Variants in COL6A3 observed in about 807,000 individuals in gnomAD.
COL6A3 encodes collagen type VI alpha 3 chain.
COL6A3 carries 137 observed loss-of-function variants against 274.1 expected under a neutral mutation model. The observed-to-expected ratio is 0.50, with a 90% CI of 0.44 to 0.58. The LOEUF (loss-of-function observed/expected upper bound fraction) is 0.58. Among genes scored for constraint, COL6A3 ranks in the 20% least tolerant of loss-of-function variants. The pLI, the probability that COL6A3 is intolerant of heterozygous loss-of-function variation, is 0.00. For missense variants in COL6A3, 3,950 were observed against 4,124.9 expected (o/e 0.96, Z 1.16); for synonymous variants, 1,650 against 1,650.6 (o/e 1.00, Z 0.01).
chr2:237,335,472 CAG>C (rs1559193186), intron 40 of COL6A3, among the ~76,000 whole-genome samples: 1 of 152,188 alleles, frequency 6.6e-6, no homozygotes, highest in Non-Finnish European at 1.5e-5. Context: ...TAAGTTGGTG[CAG>C]AGTCATTGTG....
At position 237,371,054 on chromosome 2, in the gene COL6A3, C is replaced by T. The variant is rs1360780451; in HGVS notation, c.4285+678G>A. On this transcript the variant is annotated intron_variant, in intron 9 of 43. Transcript: ENST00000295550. This position sits in a 1 kb window ranked among gnomAD's most constrained non-coding sequence, Gnocchi z 4.3. ...AAGGCCATCCTGCTTCTAGGTAAGA[C>T]TTAAGATACAGCTACAGAATCACCT... Among the ~76,000 whole-genome samples, 1 of 152,248 alleles carries T rather than the reference C, an allele frequency of 6.6e-6. No homozygotes were observed. The highest frequency in any genetic ancestry group is 1.5e-5 in the Non-Finnish European group (1 of 68,054).
chr2:237,345,847 C>G (rs948742331), intron 32 of COL6A3, among the ~76,000 whole-genome samples: 5 of 152,204 alleles, frequency 3.3e-5, no homozygotes, highest in Non-Finnish European at 4.4e-5. Context: ...ACCTGACCAG[C>G]TTTCTTTTCC....
intron 3 of COL6A3, among the ~76,000 whole-genome samples, chr2:237,388,788 T>A (rs1171289273): frequency 6.6e-6 from 1 of 152,234 alleles, no homozygotes; most frequent in African/African-American, 2.4e-5. Context: ...TGCAACTTCG[T>A]GAATCAGAAC....
chr2:237,372,968 A>C (rs2077732352), intron 8 of COL6A3, among the ~76,000 whole-genome samples: 1 of 152,172 alleles, frequency 6.6e-6, no homozygotes, highest in Non-Finnish European at 1.5e-5. Flanking sequence ...GGAGCTGAGG[A>C]AGCGGAGACA....
rs2645778 is a variant in COL6A3 at position 237,395,263 on chromosome 2, A to G, written c.92-59T>C. The G allele has an allele frequency of 0.28, 442,615 of 1,582,598 alleles. 66,551 individuals carry two copies. The highest frequency in any genetic ancestry group is 0.58 in the African/African-American group (43,109 of 74,450). On this transcript the variant is annotated intron_variant, in intron 2 of 43. Transcript: ENST00000295550. Reference sequence around the variant, plus strand: ...CTATGTAAGCAATTACTTCCTATCAATGCAAAGCCTTCCTAAACAAATTTG... The same window carrying G: ...CTATGTAAGCAATTACTTCCTATCAGTGCAAAGCCTTCCTAAACAAATTTG...
Position 237,388,188 on chromosome 2 carries a change from T to C in COL6A3, c.710-4A>G, listed in dbSNP as rs375057963. On this transcript the variant is annotated splice_polypyrimidine_tract_variant and splice_region_variant and intron_variant, in intron 3 of 43. Coordinates refer to ENST00000295550, the MANE Select transcript of COL6A3 (RefSeq NM_004369.4). The stretch of plus-strand genomic sequence containing the variant: ...ATAATGTCAGCAGAGTCTTGTGCTT[T>C]AAAAGAAAGAAATGCAAAAAATGTG... 2 of 1,613,750 alleles carry C rather than the reference T, an allele frequency of 1.2e-6. No individual in the cohort carries two copies. The highest frequency in any genetic ancestry group is 2.7e-5 in the African/African-American group (2 of 74,922).
chr2:237,354,866 G>A (rs755510155), intron 24 of COL6A3, 33 bp downstream of exon 24: 1 of 1,606,284 alleles, frequency 6.2e-7, no homozygotes, highest in East Asian at 2.2e-5. Context: ...GCTGTTTGAA[G>A]AGAGTCTCCA....
intron 2 of COL6A3, among the ~76,000 whole-genome samples, chr2:237,396,350 T>C (rs927588855): frequency 4.6e-5 from 7 of 152,238 alleles, no homozygotes; most frequent in Non-Finnish European, 1.0e-4. Flanking sequence ...AAATAGTTTT[T>C]ACTCTCAATC....
Position 237,324,642 on chromosome 2 carries a change from C to T in COL6A3, c.*132G>A, listed in dbSNP as rs1358174414. On this transcript the variant is annotated 3_prime_UTR_variant, in exon 44 of 44. Coordinates refer to ENST00000295550, the MANE Select transcript of COL6A3 (RefSeq NM_004369.4). ...GGTCATGCAGCAGGATGTTCCCTCC[C>T]GAGTTCGAGTGTAAATCAAAGCATG... is the stretch of plus-strand genomic sequence containing the variant. The T allele has an allele frequency of 1.8e-5, 15 of 815,336 alleles. No individual in the cohort carries two copies. The highest frequency in any genetic ancestry group is 5.8e-5 in the South Asian group (4 of 68,896). The allele number at this position is 815,336 out of a possible 1,614,324, so 50.5% of individuals were successfully genotyped here.
At position 237,402,296 on chromosome 2, in the gene COL6A3, T is replaced by C. The variant is rs2078611051; in HGVS notation, c.-30-5449A>G. On this transcript the variant is annotated intron_variant, in intron 1 of 43. Coordinates refer to ENST00000295550, the MANE Select transcript of COL6A3 (RefSeq NM_004369.4). ...TTTTGCAAGATCAAAAAGTTATAGA[T>C]ATTTGTTGTAGCACAAGGTGCGTAT... 1.3e-5 allele frequency among the ~76,000 whole-genome samples: 2 copies of C among 152,138 alleles called. 1 individual carries two copies. The highest frequency in any genetic ancestry group is 4.1e-4 in the South Asian group (2 of 4,828).
Position 237,344,103 on chromosome 2 carries a change from G to A in COL6A3, c.7668+247C>T. ...TCACCAACACTAGCATCACTAACCG[G>A]CAAGAGCTGTCAACATGTGAGGAGG... On this transcript the variant is annotated intron_variant, in intron 36 of 43. Coordinates refer to ENST00000295550, the MANE Select transcript of COL6A3 (RefSeq NM_004369.4). The surrounding 1 kb of genome is among the most constrained non-coding windows in gnomAD (Gnocchi z 4.8). 1 of 596,092 alleles carries A rather than the reference G, an allele frequency of 1.7e-6. No individual in the cohort carries two copies. The highest frequency in any genetic ancestry group is 2.8e-5 in the Admixed American group (1 of 36,078). 36.9% of individuals were successfully genotyped at this position (596,092 alleles called of 1,614,324 possible).
At chr2:237,351,051 A>T (rs2077196104) in intron 27 of COL6A3, 79 bp downstream of exon 27, 20 of 1,376,800 alleles carry the variant, frequency 1.5e-5, no homozygotes, top group Non-Finnish European at 1.9e-5. Flanking sequence ...GGACAGACAG[A>T]CTGACCAAAG....
At chr2:237,405,569 G>A (rs929389170) in intron 1 of COL6A3, among the ~76,000 whole-genome samples, 1 of 152,040 alleles carries the variant, frequency 6.6e-6, no homozygotes, top group African/African-American at 2.4e-5. Flanking sequence ...TTGTGGGTGG[G>A]ATTTCACGCC....
chr2:237,408,475 A>G (rs2078775334), intron 1 of COL6A3, among the ~76,000 whole-genome samples: 1 of 152,214 alleles, frequency 6.6e-6, no homozygotes, highest in Admixed American at 6.5e-5. Flanking sequence ...AACTCTGGGT[A>G]CCGGCCCTGG....
intron 38 of COL6A3, among the ~76,000 whole-genome samples, chr2:237,339,860 G>A (rs776696709): frequency 2.6e-5 from 4 of 152,100 alleles, no homozygotes; most frequent in African/African-American, 4.8e-5. Flanking sequence ...TAGGGTGTCC[G>A]GATTAACCAT....
intron 38 of COL6A3, among the ~76,000 whole-genome samples, chr2:237,339,779 T>A (rs2076944929): frequency 6.6e-6 from 1 of 152,142 alleles, no homozygotes; most frequent in Non-Finnish European, 1.5e-5. Flanking sequence ...CTGCACCTCC[T>A]CAAAGAGCAG....
At chr2:237,338,499 A>G (rs1363301900) in intron 39 of COL6A3, among the ~76,000 whole-genome samples, 2 of 152,232 alleles carry the variant, frequency 1.3e-5, no homozygotes, top group Admixed American at 6.5e-5. Flanking sequence ...CCAGTGGCTC[A>G]TGCTTATAAT....
intron 1 of COL6A3, among the ~76,000 whole-genome samples, chr2:237,405,274 C>T (rs551421130): frequency 4.6e-4 from 70 of 152,196 alleles, no homozygotes; most frequent in South Asian, 8.3e-4. Flanking sequence ...GGCTCCTAGC[C>T]CAGCTGTTGA....
chr2:237,339,263 C>A, intron 38 of COL6A3, 146 bp from the exon 39 acceptor site: 1 of 670,308 alleles, frequency 1.5e-6, no homozygotes, highest in Non-Finnish European at 2.6e-6. Flanking sequence ...CAAACTATGT[C>A]CAGTGATTTT....
Sources: allele counts gnomAD v4.1 joint callset (sites outside exome capture counted in the v4.1 genomes callset), GRCh38; gene constraint gnomAD v4.1.1; non-coding constraint Gnocchi (gnomAD v3.1); transcripts MANE v1.5; gene names NCBI Gene and HGNC (gene_info 2026-07-23, HGNC 2026-07-21).